GPC5: variants seen among roughly 807,000 people sequenced by gnomAD.
GPC5 encodes glypican 5, also known as glypican-5.
Under a neutral mutation model 53.9 loss-of-function variants are expected in GPC5, and 47 were observed. The ratio of observed to expected loss-of-function variants is 0.87; its 90% CI spans 0.69 to 1.11. GPC5 has a LOEUF of 1.11. GPC5 is among the 50% of genes most tolerant of loss of function. GPC5 has a pLI of 0.00. For missense variants in GPC5, 748 were observed against 713.1 expected (o/e 1.05, Z -0.56); for synonymous variants, 286 against 263.3 (o/e 1.09, Z -0.84).
intron 2 of GPC5, among the ~76,000 whole-genome samples, chr13:91,492,926 C>T (rs1023379626): frequency 2.6e-5 from 4 of 152,192 alleles, no homozygotes; most frequent in Non-Finnish European, 5.9e-5. Context: ...AACCTGCTAT[C>T]GTCACCACCT....
intron 1 of GPC5, among the ~76,000 whole-genome samples, chr13:91,419,406 A>C (rs767285747): frequency 6.6e-6 from 1 of 152,208 alleles, no homozygotes; most frequent in Non-Finnish European, 1.5e-5. Flanking sequence ...ATTTTAGCAG[A>C]ATAACGCCTC....
chr13:91,956,665 T>C (rs1168944216), intron 6 of GPC5, among the ~76,000 whole-genome samples: 1 of 152,178 alleles, frequency 6.6e-6, no homozygotes. Context: ...CACAGCTTCC[T>C]CTAATGACTG....
At chr13:91,738,192 T>C (rs342721) in intron 4 of GPC5, among the ~76,000 whole-genome samples, 3,523 of 151,474 alleles carry the variant, frequency 0.023, 307 homozygotes, top group African/African-American at 0.082. Flanking sequence ...CTAAGGAAAA[T>C]TTTCTTTATA....
intron 7 of GPC5, among the ~76,000 whole-genome samples, chr13:92,540,778 A>G (rs1418854172): frequency 6.6e-6 from 1 of 151,942 alleles, no homozygotes; most frequent in Non-Finnish European, 1.5e-5. Context: ...GACAACATGT[A>G]TATTACACTG....
At chr13:91,993,898 C>G in intron 6 of GPC5, among the ~76,000 whole-genome samples, 1 of 152,102 alleles carries the variant, frequency 6.6e-6, no homozygotes, top group East Asian at 1.9e-4. Flanking sequence ...TAATGTGACA[C>G]TTGATACAGT....
chr13:91,436,192 T>C (rs1879933724), intron 1 of GPC5, among the ~76,000 whole-genome samples: 1 of 152,226 alleles, frequency 6.6e-6, no homozygotes, highest in Admixed American at 6.5e-5. Context: ...TTCCTTCAGT[T>C]CTGCTCTGAT....
At chr13:92,235,005 G>T (rs939892542) in intron 7 of GPC5, among the ~76,000 whole-genome samples, 2 of 152,202 alleles carry the variant, frequency 1.3e-5, no homozygotes, top group Admixed American at 1.3e-4. Flanking sequence ...AGGGGTATAT[G>T]AAAAAGTTTT....
intron 7 of GPC5, among the ~76,000 whole-genome samples, chr13:92,664,621 A>T (rs1050295303): frequency 2.0e-4 from 30 of 152,172 alleles, no homozygotes; most frequent in African/African-American, 7.2e-5. Flanking sequence ...TAACTTTTTT[A>T]AAAAAGTCAA....
At chr13:91,908,528 A>G (rs369878377) in intron 6 of GPC5, among the ~76,000 whole-genome samples, 286 of 152,238 alleles carry the variant, frequency 1.9e-3, no homozygotes, top group African/African-American at 6.7e-3. Flanking sequence ...CACCTTTTAT[A>G]TGTTATCTTA....
intron 7 of GPC5, among the ~76,000 whole-genome samples, chr13:92,520,625 G>A (rs931171511): frequency 5.9e-5 from 9 of 152,038 alleles, no homozygotes; most frequent in African/African-American, 1.2e-4. Context: ...TTGATGGGAC[G>A]TATCTCAAAA....
chr13:91,845,323 CT>C (rs999579940), intron 5 of GPC5, among the ~76,000 whole-genome samples: 1 of 151,506 alleles, frequency 6.6e-6, no homozygotes, highest in Non-Finnish European at 1.5e-5. Flanking sequence ...ATCGTTTAGT[CT>C]TTTTTCAGCT....
chr13:92,135,968 C>G (rs1178691219), intron 6 of GPC5, among the ~76,000 whole-genome samples: 1 of 152,108 alleles, frequency 6.6e-6, no homozygotes, highest in Non-Finnish European at 1.5e-5. Context: ...GGTATTTCTA[C>G]ATTTGAAAGA....
intron 7 of GPC5, among the ~76,000 whole-genome samples, chr13:92,178,875 G>A (rs1367233821): frequency 6.6e-6 from 1 of 152,142 alleles, no homozygotes; most frequent in East Asian, 1.9e-4. Flanking sequence ...GGAGGCTGAA[G>A]CAGGAGAATC....
At chr13:92,018,280 T>G (rs948804671) in intron 6 of GPC5, among the ~76,000 whole-genome samples, 2 of 152,156 alleles carry the variant, frequency 1.3e-5, no homozygotes, top group African/African-American at 4.8e-5. Context: ...ATCCTCAGAT[T>G]ATAAAATAGT....
At chr13:91,603,336 C>T (rs868148670) in intron 2 of GPC5, among the ~76,000 whole-genome samples, 1 of 152,248 alleles carries the variant, frequency 6.6e-6, no homozygotes, top group Middle Eastern at 3.2e-3. Context: ...GGAGTTGCTT[C>T]AGTCATAAGC....
In GPC5 at chr13:91,798,403, C is replaced by T. The variant is rs142023991; in HGVS notation, c.1280+41983C>T. Among the ~76,000 whole-genome samples the T allele has an allele frequency of 6.6e-3, 1,011 of 152,292 alleles. 9 individuals are homozygous for T. Among genetic ancestry groups the T allele is most frequent in the African/African-American group, 0.023 (958 of 41,568 alleles). On this transcript the variant is annotated intron_variant, in intron 5 of 7. Transcript: ENST00000377067. The stretch of plus-strand genomic sequence containing the variant: ...TCCCCACCATGTGTCCATGTGTTCT[C>T]ATCATTCAGCTCCTGCTTATAAGTG...
intron 7 of GPC5, among the ~76,000 whole-genome samples, chr13:92,248,982 A>C (rs1483351166): frequency 1.3e-5 from 2 of 151,184 alleles, no homozygotes; most frequent in African/African-American, 4.9e-5. Context: ...TTATTGCTGC[A>C]AATATTTTAT....
chr13:92,612,615 C>T (rs1884474960), intron 7 of GPC5, among the ~76,000 whole-genome samples: 1 of 152,116 alleles, frequency 6.6e-6, no homozygotes, highest in African/African-American at 2.4e-5. Context: ...TACACAACTT[C>T]CTTTGGAATT....
intron 6 of GPC5, among the ~76,000 whole-genome samples, chr13:92,116,523 G>T (rs981544727): frequency 6.6e-6 from 1 of 152,186 alleles, no homozygotes; most frequent in East Asian, 1.9e-4. Context: ...GCTGCTGTAC[G>T]CATTTGTGTA....
Sources: allele counts gnomAD v4.1 joint callset (sites outside exome capture counted in the v4.1 genomes callset), GRCh38; gene constraint gnomAD v4.1.1; transcripts MANE v1.5; gene names NCBI Gene and HGNC (gene_info 2026-07-23, HGNC 2026-07-21).